Variants in NETO1 observed in about 807,000 individuals in gnomAD.
The protein encoded by NETO1 is neuropilin and tolloid-like protein 1.
A neutral mutation model predicts 61.3 loss-of-function variants in NETO1; 26 were observed. The ratio of observed to expected loss-of-function variants is 0.42; its 90% confidence interval spans 0.31 to 0.59. The LOEUF (loss-of-function observed/expected upper bound fraction) is 0.59. NETO1 is among the 20% of genes least tolerant of loss of function. The pLI is 0.12. For missense variants in NETO1, 531 were observed against 662.8 expected, an observed-to-expected ratio of 0.80 and a Z score of 2.18; for synonymous variants, 225 against 225.8, an observed-to-expected ratio of 1.00 and a Z score of 0.03.
At chr18:72,809,414 T>C (rs2072787428) in intron 4 of NETO1, among the ~76,000 whole-genome samples, 1 of 152,210 alleles carries the variant, frequency 6.6e-6, no homozygotes, top group South Asian at 2.1e-4. Flanking sequence ...TTCTACCTTC[T>C]AAGGCATCAA....
intron 4 of NETO1, among the ~76,000 whole-genome samples, chr18:72,812,045 G>C (rs930614534): frequency 6.6e-6 from 1 of 152,160 alleles, no homozygotes; most frequent in East Asian, 1.9e-4. Context: ...AACCGCAATT[G>C]TAAGTGTGAT....
chr18:72,865,062 G>T, intron 2 of NETO1, 117 bp from the exon 3 acceptor site: 1 of 1,411,196 alleles, frequency 7.1e-7, no homozygotes, highest in Non-Finnish European at 9.7e-7. Flanking sequence ...TGTTGTCTTA[G>T]CCAAACCAAT....
chr18:72,754,961 T>C (rs553814320), intron 8 of NETO1, among the ~76,000 whole-genome samples: 2 of 152,262 alleles, frequency 1.3e-5, no homozygotes, highest in Non-Finnish European at 2.9e-5. Context: ...ATAACCTCCA[T>C]AAACTAGAAA....
chr18:72,822,382 G>A (rs2145305603), intron 4 of NETO1, among the ~76,000 whole-genome samples: 1 of 152,264 alleles, frequency 6.6e-6, no homozygotes, highest in Non-Finnish European at 1.5e-5. Context: ...GCGGCACCAT[G>A]CCACAGGTCA....
At chr18:72,864,597 C>T (rs2074677724) in intron 3 of NETO1, among the ~76,000 whole-genome samples, 1 of 152,178 alleles carries the variant, frequency 6.6e-6, no homozygotes, top group Admixed American at 6.5e-5. Context: ...TTTTATTGCA[C>T]AGAATTTGCT....
rs551337679 is a variant in NETO1 at position 72,784,045 on chromosome 18, G to A, written c.640-139C>T. 9.2e-5 allele frequency: 59 copies of A among 640,560 alleles called. No individual in the cohort carries two copies. In the East Asian group the frequency reaches 1.5e-3, roughly 17 times the overall value. 39.7% of individuals were successfully genotyped at this position (640,560 alleles called of 1,614,324 possible). A position where few individuals can be genotyped will look rare whatever the true frequency, so the allele number is the denominator to read the frequency against. ...TATTATTTTCCCTTGTGAATAGAAAGAAGATGTACGATAAGAACAAACTGT... is the reference window on the plus strand; with the variant it reads ...TATTATTTTCCCTTGTGAATAGAAAAAAGATGTACGATAAGAACAAACTGT... On this transcript the variant is annotated intron_variant, in intron 6 of 10. Coordinates refer to ENST00000327305, the MANE Select transcript of NETO1 (RefSeq NM_138966.5).
At chr18:72,758,140 A>T (rs2070846498) in intron 7 of NETO1, among the ~76,000 whole-genome samples, 1 of 152,150 alleles carries the variant, frequency 6.6e-6, no homozygotes, top group South Asian at 2.1e-4. Flanking sequence ...TGGTAAGAGC[A>T]CTGAAATTTG....
At chr18:72,796,783 T>A (rs2072329370) in intron 4 of NETO1, among the ~76,000 whole-genome samples, 1 of 151,950 alleles carries the variant, frequency 6.6e-6, no homozygotes, top group Non-Finnish European at 1.5e-5. Context: ...TTTTAAAAAA[T>A]CTTTTTAGAA....
chr18:72,775,552 C>A (rs1180348779), intron 7 of NETO1, among the ~76,000 whole-genome samples: 1 of 152,162 alleles, frequency 6.6e-6, no homozygotes, highest in Non-Finnish European at 1.5e-5. Context: ...TGTGAAAGCA[C>A]AGTATGTAGG....
At chr18:72,824,928 A>C (rs970953120) in intron 4 of NETO1, among the ~76,000 whole-genome samples, 4 of 152,234 alleles carry the variant, frequency 2.6e-5, no homozygotes, top group South Asian at 2.1e-4. Context: ...TTTGGGATTA[A>C]ATATAAAAGT....
chr18:72,783,283 G>C (rs2071803218), intron 7 of NETO1, among the ~76,000 whole-genome samples: 1 of 152,160 alleles, frequency 6.6e-6, no homozygotes, highest in Non-Finnish European at 1.5e-5. Context: ...AAATGGGACT[G>C]CAAAAGAAGC....
At chr18:72,861,832 A>G (rs2074581555) in intron 3 of NETO1, among the ~76,000 whole-genome samples, 1 of 152,186 alleles carries the variant, frequency 6.6e-6, no homozygotes. Context: ...TTTAAAAGAG[A>G]AAAAACCACC....
intron 6 of NETO1, among the ~76,000 whole-genome samples, chr18:72,791,523 G>A (rs2072117233): frequency 6.6e-6 from 1 of 152,176 alleles, no homozygotes; most frequent in South Asian, 2.1e-4. Context: ...AGCCATCTTT[G>A]TCCAGCTCTG....
chr18:72,758,373 C>CT (rs67058074), intron 7 of NETO1, among the ~76,000 whole-genome samples: 32 of 122,366 alleles, frequency 2.6e-4, no homozygotes, highest in African/African-American at 1.0e-3. Context: ...GTTTGTGGTG[C>CT]TTTTTTTTTC....
At chr18:72,819,781 C>A (rs1755564605) in intron 4 of NETO1, among the ~76,000 whole-genome samples, 1 of 151,932 alleles carries the variant, frequency 6.6e-6, no homozygotes, top group South Asian at 2.1e-4. Context: ...AGAGAAAGTT[C>A]TAAGTAAAAC....
chr18:72,848,365 C>T (rs1265661935), intron 4 of NETO1, among the ~76,000 whole-genome samples: 1 of 152,010 alleles, frequency 6.6e-6, no homozygotes, highest in African/African-American at 2.4e-5. Context: ...ATTTCATCAG[C>T]TCAAAAGTCC....
At chr18:72,778,605 C>A (rs975520574) in intron 7 of NETO1, among the ~76,000 whole-genome samples, 13 of 152,164 alleles carry the variant, frequency 8.5e-5, no homozygotes, top group African/African-American at 2.4e-4. Context: ...CAATTTATAA[C>A]AAGGATGAAC....
intron 3 of NETO1, among the ~76,000 whole-genome samples, chr18:72,863,992 G>A (rs1352357387): frequency 6.6e-6 from 1 of 152,112 alleles, no homozygotes; most frequent in Non-Finnish European, 1.5e-5. Context: ...GGCCAAAGTC[G>A]GTGGATCACT....
Position 72,839,694 on chromosome 18 carries a change from T to C in NETO1, c.469+19132A>G, listed in dbSNP as rs373423790. Reference sequence around the variant, plus strand: ...AGGTGCAGACACCCTCCCTAAGGTATAGATAGAGTGTAAATAGAGTAATAT... The same window carrying C: ...AGGTGCAGACACCCTCCCTAAGGTACAGATAGAGTGTAAATAGAGTAATAT... On this transcript the variant is annotated intron_variant, in intron 4 of 10. Transcript: ENST00000327305. 2.0e-5 allele frequency among the ~76,000 whole-genome samples: 3 copies of C among 152,174 alleles called. No individual in the cohort carries two copies. In the South Asian group the frequency reaches 6.2e-4, roughly 32 times the overall value.
Sources: allele counts gnomAD v4.1 joint callset (sites outside exome capture counted in the v4.1 genomes callset), GRCh38; gene constraint gnomAD v4.1.1; transcripts MANE v1.5; gene names NCBI Gene and HGNC (gene_info 2026-07-23, HGNC 2026-07-21).